WHR1: variants seen among roughly 807,000 people sequenced by gnomAD.
WHR1 encodes the protein MHC class III HLA-RP1.
the WHR1 span, chr6:31,972,671 C>G: frequency 1.2e-6 from 2 of 1,613,908 alleles, no homozygotes; most frequent in East Asian, 4.5e-5. The surrounding 1 kb of genome is among the most constrained non-coding windows in gnomAD (Gnocchi z 6.3). Flanking sequence ...CCCGCGAGGC[C>G]TGTTTGAGGA....
the WHR1 span, among the ~76,000 whole-genome samples, chr6:31,978,056 G>A: frequency 1.3e-5 from 2 of 152,224 alleles, no homozygotes; most frequent in Non-Finnish European, 2.9e-5. Flanking sequence ...CCAAAGTGCC[G>A]GGATTACAGG....
the WHR1 span, among the ~76,000 whole-genome samples, chr6:31,975,638 A>C: frequency 2.1e-4 from 28 of 131,438 alleles, no homozygotes; most frequent in Admixed American, 2.5e-4. Context: ...TGATAATTCC[A>C]CTATTTTTTT....
the WHR1 span, among the ~76,000 whole-genome samples, chr6:31,975,727 C>A: frequency 6.6e-6 from 1 of 152,020 alleles, no homozygotes; most frequent in Non-Finnish European, 1.5e-5. Context: ...CTTTTCCCCA[C>A]CTTTTCCCGC....
the WHR1 span, chr6:31,980,967 A>T: frequency 1.6e-6 from 1 of 607,318 alleles, no homozygotes; most frequent in Non-Finnish European, 2.7e-6. Context: ...GCTTGAGCCT[A>T]GGCGTCTGGC....
the WHR1 span, chr6:31,971,177 C>T: frequency 6.2e-7 from 1 of 1,605,180 alleles, no homozygotes; most frequent in Non-Finnish European, 8.5e-7. The surrounding 1 kb of genome is among the most constrained non-coding windows in gnomAD (Gnocchi z 4.5). Context: ...GGCTGAAGGT[C>T]TGACACAAGC....
chr6:31,976,340 G>A, the WHR1 span, among the ~76,000 whole-genome samples: 2 of 151,454 alleles, frequency 1.3e-5, no homozygotes, highest in South Asian at 2.1e-4. Flanking sequence ...GGCGGCTGCC[G>A]GGCGGAGGGT....
At chr6:31,981,031 C>T in the WHR1 span, 1 of 502,174 alleles carries the variant, frequency 2.0e-6, no homozygotes, top group Non-Finnish European at 3.3e-6. Context: ...GAACCCTCCT[C>T]CGCCTGCCAG....
chr6:31,981,026 C>A, the WHR1 span: 1 of 506,974 alleles, frequency 2.0e-6, no homozygotes, highest in Non-Finnish European at 3.3e-6. Flanking sequence ...TTCAGGAACC[C>A]TCCTCCGCCT....
At chr6:31,974,829 T>G in the WHR1 span, among the ~76,000 whole-genome samples, 1 of 152,076 alleles carries the variant, frequency 6.6e-6, no homozygotes, top group African/African-American at 2.4e-5. Context: ...GGTAGAAGGT[T>G]AATAGTGATC....
the WHR1 span, chr6:31,980,212 T>A: frequency 5.9e-6 from 3 of 509,746 alleles, no homozygotes; most frequent in Non-Finnish European, 1.0e-5. Flanking sequence ...CCAGTAATAG[T>A]AGCAGGAAAA....
At chr6:31,978,866 G>A in the WHR1 span, 1 of 1,604,332 alleles carries the variant, frequency 6.2e-7, no homozygotes, top group Non-Finnish European at 8.5e-7. Context: ...ATCTTACCCT[G>A]ATACGCCTCT....
the WHR1 span, chr6:31,978,799 C>A: frequency 1.0e-6 from 1 of 971,082 alleles, no homozygotes; most frequent in Non-Finnish European, 1.5e-6. Flanking sequence ...AGAGAAAATG[C>A]CCCCATATTG....
chr6:31,978,867 A>G, the WHR1 span: 1 of 1,604,470 alleles, frequency 6.2e-7, no homozygotes, highest in Non-Finnish European at 8.5e-7. Flanking sequence ...TCTTACCCTG[A>G]TACGCCTCTT....
chr6:31,975,939 C>T, the WHR1 span, among the ~76,000 whole-genome samples: 16 of 132,660 alleles, frequency 1.2e-4, no homozygotes, highest in Admixed American at 3.6e-4. Flanking sequence ...CCGGACGGGG[C>T]GGCTGGCCGG....
the WHR1 span, among the ~76,000 whole-genome samples, chr6:31,978,430 C>G: frequency 2.0e-5 from 3 of 152,326 alleles, no homozygotes; most frequent in East Asian, 3.9e-4. Flanking sequence ...AGCCACTGTA[C>G]CTGGTCTTAA....
chr6:31,972,942 A>G, the WHR1 span: 26 of 1,019,674 alleles, frequency 2.5e-5, no homozygotes, highest in Non-Finnish European at 3.8e-5. The surrounding 1 kb of genome is among the most constrained non-coding windows in gnomAD (Gnocchi z 6.3). Flanking sequence ...ATTTCAAATC[A>G]TGGAGGTAGA....
At chr6:31,980,495 G>A in the WHR1 span, 2 of 1,613,166 alleles carry the variant, frequency 1.2e-6, no homozygotes, top group Non-Finnish European at 1.7e-6. Flanking sequence ...GATGCTGGGA[G>A]CTGGTGGCTA....
At chr6:31,979,348 C>G in the WHR1 span, 1 of 1,598,960 alleles carries the variant, frequency 6.3e-7, no homozygotes. Context: ...GAAATGCTGT[C>G]CTGGGGGTGG....
At chr6:31,972,690 C>T in the WHR1 span, 4 of 1,613,692 alleles carry the variant, frequency 2.5e-6, no homozygotes, top group South Asian at 2.2e-5. This position sits in a 1 kb window ranked among gnomAD's most constrained non-coding sequence, Gnocchi z 6.3. Context: ...GACGCGCTGC[C>T]GCCCATCGTG....
Sources: allele counts gnomAD v4.1 joint callset (sites outside exome capture counted in the v4.1 genomes callset), GRCh38; gene constraint gnomAD v4.1.1; non-coding constraint Gnocchi (gnomAD v3.1); transcripts MANE v1.5; gene names NCBI Gene and HGNC (gene_info 2026-07-23, HGNC 2026-07-21).